RNF130: variants seen among roughly 807,000 people sequenced by gnomAD.
The protein encoded by RNF130 is ring finger protein 130, also known as E3 ubiquitin-protein ligase RNF130.
Under a neutral mutation model 44.6 loss-of-function variants are expected in RNF130, and 21 were observed. The observed-to-expected ratio is 0.47, with a 90% CI of 0.33 to 0.68. The LOEUF (loss-of-function observed/expected upper bound fraction) is 0.68, where lower values mean the gene tolerates loss of function less well. Among genes scored for constraint, RNF130 ranks in the 30% least tolerant of loss-of-function variants. The pLI is 0.02. For missense variants in RNF130, 479 were observed against 560.6 expected, an observed-to-expected ratio of 0.85 and a Z score of 1.47; for synonymous variants, 214 against 210.4, an observed-to-expected ratio of 1.02 and a Z score of -0.15.
chr5:180,039,780 C>A (rs1258247502), intron 2 of RNF130, among the ~76,000 whole-genome samples: 1 of 152,166 alleles, frequency 6.6e-6, no homozygotes, highest in Non-Finnish European at 1.5e-5. Flanking sequence ...AGTGGTGAAA[C>A]TAACAGAACA....
chr5:179,973,851 A>C (rs530456256), intron 5 of RNF130, among the ~76,000 whole-genome samples: 3 of 152,206 alleles, frequency 2.0e-5, no homozygotes, highest in Non-Finnish European at 2.9e-5. Context: ...TGAAACCTGA[A>C]AAGCACAAGC....
chr5:179,955,451 T>G lies in RNF130; in HGVS notation c.*203A>C. Reference sequence around the variant, plus strand: ...TTCAAATCAGCCCTCAAAACACAGGTCTGGTTAATAAGACTCAACAGCACA... The same window carrying G: ...TTCAAATCAGCCCTCAAAACACAGGGCTGGTTAATAAGACTCAACAGCACA... On this transcript the variant is annotated 3_prime_UTR_variant, in exon 9 of 9. Transcript: ENST00000521389. 2.1e-6 allele frequency: 1 copy of G among 467,406 alleles called. No homozygotes were observed. Among genetic ancestry groups the G allele is most frequent in the Non-Finnish European group, 3.9e-6 (1 of 258,588 alleles). The allele number at this position is 467,406 out of a possible 1,614,324, so 29.0% of individuals were successfully genotyped here. A position where few individuals can be genotyped will look rare whatever the true frequency, so the allele number is the denominator to read the frequency against.
At chr5:180,009,694 T>C (rs1298408638) in intron 3 of RNF130, among the ~76,000 whole-genome samples, 1 of 152,172 alleles carries the variant, frequency 6.6e-6, no homozygotes, top group African/African-American at 2.4e-5. Flanking sequence ...TATGCACTTA[T>C]CTTAACAGCC....
At chr5:180,003,697 A>G (rs761323999) in intron 3 of RNF130, among the ~76,000 whole-genome samples, 37 of 152,134 alleles carry the variant, frequency 2.4e-4, no homozygotes, top group Non-Finnish European at 3.5e-4. Context: ...TATTTTTTTA[A>G]AATTTTTCAT....
At position 179,935,993 on chromosome 5, in the gene RNF130, AC is replaced by A. The variant is rs533224204; in HGVS notation, c.1151-15568del. 9.2e-5 allele frequency among the ~76,000 whole-genome samples: 14 copies of A among 152,250 alleles called. No homozygotes were observed. The South Asian group carries it at 2.9e-3, about 32-fold the overall frequency. On this transcript the variant is annotated intron_variant, in intron 7 of 7. Transcript: ENST00000522208. ...TCACACATCGAGCAGCACTTAGGTTACCCACATGTGTCTCCTTTCTGCTCTT... is the reference window on the plus strand; with the variant it reads ...TCACACATCGAGCAGCACTTAGGTTACCACATGTGTCTCCTTTCTGCTCTT...
chr5:180,027,103 T>C (rs1177760066), intron 2 of RNF130, among the ~76,000 whole-genome samples: 3 of 152,142 alleles, frequency 2.0e-5, no homozygotes, highest in African/African-American at 7.2e-5. Flanking sequence ...CCACTGCTTC[T>C]GCCCTATGAT....
intron 3 of RNF130, among the ~76,000 whole-genome samples, chr5:179,983,724 T>TG (rs765751039): frequency 3.3e-5 from 5 of 152,354 alleles, no homozygotes; most frequent in Admixed American, 1.3e-4. Flanking sequence ...TACATCCACT[T>TG]GGGGAGAACT....
chr5:179,927,658 G>A (rs1171895726), intron 7 of RNF130, among the ~76,000 whole-genome samples: 1 of 141,618 alleles, frequency 7.1e-6, no homozygotes, highest in South Asian at 2.2e-4. Context: ...GCTTGATCTT[G>A]GCTCACCGCA....
At chr5:179,952,948 T>C (rs1187050534), downstream of RNF130, among the ~76,000 whole-genome samples, 3 of 152,156 alleles carry the variant, frequency 2.0e-5, no homozygotes, top group East Asian at 3.8e-4. Flanking sequence ...TGGATGTCTG[T>C]TTGCACCATT....
At chr5:179,943,952 C>T (rs1375653192) in intron 7 of RNF130, among the ~76,000 whole-genome samples, 1 of 152,054 alleles carries the variant, frequency 6.6e-6, no homozygotes, top group African/African-American at 2.4e-5. Flanking sequence ...TGTAACTAAC[C>T]ACTTCTCTTT....
intron 1 of RNF130, among the ~76,000 whole-genome samples, chr5:180,058,283 C>G (rs566548914): frequency 1.3e-5 from 2 of 152,106 alleles, no homozygotes; most frequent in Non-Finnish European, 2.9e-5. Context: ...TGCAGACTTA[C>G]GGTTGTGTAT....
At chr5:180,008,335 C>T (rs986512349) in intron 3 of RNF130, among the ~76,000 whole-genome samples, 16 of 152,214 alleles carry the variant, frequency 1.1e-4, no homozygotes, top group African/African-American at 3.8e-4. Flanking sequence ...ACCCTGGTCT[C>T]ACAGAGCCCA....
chr5:179,912,613 A>T (rs1048051410), exon 8 of RNF130: 1 of 152,270 alleles, frequency 6.6e-6, no homozygotes, highest in African/African-American at 2.4e-5. Context: ...GACCTGGGCC[A>T]CACCTACTGG....
chr5:179,944,717 A>G (rs981814644), intron 7 of RNF130, among the ~76,000 whole-genome samples: 13 of 151,624 alleles, frequency 8.6e-5, no homozygotes, highest in African/African-American at 2.7e-4. Flanking sequence ...AACCATGATC[A>G]CACCACTCCA....
chr5:180,028,055 T>A (rs1373860925), intron 2 of RNF130, among the ~76,000 whole-genome samples: 1 of 152,252 alleles, frequency 6.6e-6, no homozygotes, highest in East Asian at 1.9e-4. Context: ...ATCCACCATG[T>A]TGAGCTGTGC....
chr5:180,055,467 T>C (rs1360295575), intron 1 of RNF130, among the ~76,000 whole-genome samples: 9 of 152,026 alleles, frequency 5.9e-5, no homozygotes, highest in Non-Finnish European at 1.0e-4. Context: ...TGTGTGTGTG[T>C]GTGCGCGCGC....
chr5:179,999,412 A>G (rs1763281068), intron 3 of RNF130, among the ~76,000 whole-genome samples: 1 of 152,088 alleles, frequency 6.6e-6, no homozygotes, highest in Non-Finnish European at 1.5e-5. Flanking sequence ...TTTTTAGCCT[A>G]TATGTGCCTT....
At chr5:180,066,606 C>T (rs890338480) in intron 1 of RNF130, among the ~76,000 whole-genome samples, 30 of 151,840 alleles carry the variant, frequency 2.0e-4, no homozygotes, top group Admixed American at 1.4e-3. Flanking sequence ...AGCCAGGTAT[C>T]GGGCAGATCA....
intron 1 of RNF130, among the ~76,000 whole-genome samples, chr5:180,045,972 C>T (rs985814710): frequency 1.2e-4 from 19 of 152,334 alleles, no homozygotes; most frequent in Admixed American, 3.9e-4. Flanking sequence ...AGCCCCTGGG[C>T]GGTGGATGGG....
Sources: gnomAD v4.1 joint callset for allele counts (sites outside exome capture counted in the v4.1 genomes callset) on GRCh38, gnomAD v4.1.1 for gene constraint, MANE v1.5 for transcripts, NCBI Gene and HGNC (gene_info 2026-07-23, HGNC 2026-07-21) for gene names.